PIK3C2G: variants seen among roughly 807,000 people sequenced by gnomAD.
PIK3C2G encodes the protein phosphatidylinositol 3-kinase C2 domain-containing subunit gamma.
A neutral mutation model predicts 181.1 loss-of-function variants in PIK3C2G; 168 were observed. The ratio of observed to expected loss-of-function variants is 0.93; its 90% CI spans 0.82 to 1.05. The LOEUF (loss-of-function observed/expected upper bound fraction) is 1.05, where lower values mean the gene tolerates loss of function less well. Among genes scored for constraint, PIK3C2G ranks in the 50% least tolerant of loss-of-function variants. The pLI is 0.00. For synonymous variants in PIK3C2G, 573 were observed against 592.2 expected (o/e 0.97, Z 0.47); for missense variants, 1,869 against 1,732.8 (o/e 1.08, Z -1.40).
chr12:18,364,328 TA>T (rs1941484639), intron 12 of PIK3C2G, among the ~76,000 whole-genome samples: 2 of 152,156 alleles, frequency 1.3e-5, no homozygotes, highest in Admixed American at 6.5e-5. Context: ...AACACATAAT[TA>T]TCTTTCACGA....
chr12:18,631,293 T>C (rs182905406), intron 31 of PIK3C2G, among the ~76,000 whole-genome samples: 40 of 152,322 alleles, frequency 2.6e-4, no homozygotes, highest in Admixed American at 1.8e-3. Context: ...AAACTAAGCC[T>C]GCTGCTTACA....
chr12:18,324,518 T>G lies in PIK3C2G; in HGVS notation c.1209-517T>G, dbSNP rs963361224. On this transcript the variant is annotated intron_variant, in intron 7 of 32. Transcript: ENST00000538779. Reference sequence around the variant, plus strand: ...TTTGAACAGCGAAGCTCAGAAGAATTTCTGCTCAAATTGCATGTCTTCTCC... The same window carrying G: ...TTTGAACAGCGAAGCTCAGAAGAATGTCTGCTCAAATTGCATGTCTTCTCC... Among the ~76,000 whole-genome samples, 20 of 152,314 alleles carry G rather than the reference T, an allele frequency of 1.3e-4. 1 individual carries two copies. The highest frequency in any genetic ancestry group is 4.6e-4 in the African/African-American group (19 of 41,562).
chr12:18,359,258 T>G (rs1468500116), intron 11 of PIK3C2G, among the ~76,000 whole-genome samples: 1 of 152,254 alleles, frequency 6.6e-6, no homozygotes, highest in African/African-American at 2.4e-5. Flanking sequence ...TTCTTTCTGC[T>G]ATTGACTTTG....
chr12:18,383,257 ACT>A lies in PIK3C2G; in HGVS notation c.1995+1380_1995+1381del, dbSNP rs962852286. On this transcript the variant is annotated intron_variant, in intron 14 of 32. Transcript: ENST00000538779. Reference sequence around the variant, plus strand: ...CTATGCTCCAAACATTATGGTAAACACTCTTACAAAAATGAGCGAATATGTAA... The same window carrying A: ...CTATGCTCCAAACATTATGGTAAACACTTACAAAAATGAGCGAATATGTAA... Among the ~76,000 whole-genome samples the A allele has an allele frequency of 2.3e-4, 35 of 152,322 alleles. 1 individual carries two copies. The highest frequency in any genetic ancestry group is 8.2e-4 in the African/African-American group (34 of 41,578).
chr12:18,558,690 C>CT (rs1439340255), intron 26 of PIK3C2G, among the ~76,000 whole-genome samples: 2 of 152,184 alleles, frequency 1.3e-5, no homozygotes, highest in Non-Finnish European at 2.9e-5. Context: ...CCATGGCCTA[C>CT]TTTCATGGCA....
At chr12:18,611,332 TG>T (rs1948322961) in intron 31 of PIK3C2G, among the ~76,000 whole-genome samples, 1 of 152,102 alleles carries the variant, frequency 6.6e-6, no homozygotes, top group Non-Finnish European at 1.5e-5. Context: ...TTACTAATGA[TG>T]TAGTAATACT....
chr12:18,693,407 T>C, the PIK3C2G span: 7 of 1,604,568 alleles, frequency 4.4e-6, no homozygotes, highest in South Asian at 7.7e-5. Flanking sequence ...ATCCTGAATA[T>C]TATGAAGAGA....
intron 1 of PIK3C2G, among the ~76,000 whole-genome samples, chr12:18,270,991 C>T (rs1374731465): frequency 2.0e-5 from 3 of 151,896 alleles, no homozygotes; most frequent in Admixed American, 1.3e-4. Context: ...TTTTTTTAGG[C>T]TTCCTTTACC....
Position 18,648,295 on chromosome 12 carries a change from T to G in PIK3C2G, c.*267T>G. The G allele has an allele frequency of 4.1e-6, 1 of 241,838 alleles. No homozygotes were observed. The highest frequency in any genetic ancestry group is 6.0e-5 in the East Asian group (1 of 16,684). 15.0% of individuals were successfully genotyped at this position (241,838 alleles called of 1,614,324 possible). Reference sequence around the variant, plus strand: ...ATAAAAGACCTTTATTAAATCATTTTAATATATTTTAAATTAAACATAGGT... The same window carrying G: ...ATAAAAGACCTTTATTAAATCATTTGAATATATTTTAAATTAAACATAGGT... On this transcript the variant is annotated 3_prime_UTR_variant, in exon 33 of 33. Coordinates refer to ENST00000538779, the MANE Select transcript of PIK3C2G (RefSeq NM_001288772.2).
chr12:18,673,160 T>C, the PIK3C2G span, among the ~76,000 whole-genome samples: 1 of 152,214 alleles, frequency 6.6e-6, no homozygotes. Flanking sequence ...AATTTATTCA[T>C]GTTTTTAATG....
At chr12:18,461,810 A>C (rs1277783837) in intron 18 of PIK3C2G, among the ~76,000 whole-genome samples, 1 of 152,198 alleles carries the variant, frequency 6.6e-6, no homozygotes, top group Non-Finnish European at 1.5e-5. Flanking sequence ...CAGAACTGTG[A>C]AAAACAAATT....
chr12:18,658,804 T>C, the PIK3C2G span, among the ~76,000 whole-genome samples: 1 of 152,278 alleles, frequency 6.6e-6, no homozygotes, highest in East Asian at 1.9e-4. Flanking sequence ...GCTTAGGTAT[T>C]TACTACAATA....
intron 22 of PIK3C2G, among the ~76,000 whole-genome samples, chr12:18,498,688 T>C (rs996609299): frequency 1.3e-5 from 2 of 152,136 alleles, no homozygotes; most frequent in Non-Finnish European, 2.9e-5. Flanking sequence ...CAGTCAACAG[T>C]TGAGATTTTA....
chr12:18,560,780 A>G (rs755919202), intron 26 of PIK3C2G, among the ~76,000 whole-genome samples: 1 of 152,174 alleles, frequency 6.6e-6, no homozygotes, highest in Non-Finnish European at 1.5e-5. Context: ...TTGAAATTAC[A>G]TATTGAAAGG....
chr12:18,339,714 T>C (rs948327059), intron 9 of PIK3C2G, among the ~76,000 whole-genome samples: 1 of 152,154 alleles, frequency 6.6e-6, no homozygotes, highest in East Asian at 1.9e-4. Flanking sequence ...AGTTTCTTAA[T>C]GTTGGGCTTT....
chr12:18,603,207 T>A (rs12829855), intron 30 of PIK3C2G, among the ~76,000 whole-genome samples: 1 of 152,022 alleles, frequency 6.6e-6, no homozygotes, highest in Admixed American at 6.6e-5. Flanking sequence ...TTCAGACACA[T>A]TTTTAGAAAT....
intron 32 of PIK3C2G, among the ~76,000 whole-genome samples, chr12:18,647,140 A>C (rs2136856588): frequency 6.6e-6 from 1 of 152,280 alleles, no homozygotes; most frequent in East Asian, 1.9e-4. Context: ...ATTAAAAATT[A>C]GTAATTTTGA....
intron 18 of PIK3C2G, among the ~76,000 whole-genome samples, chr12:18,470,872 G>A (rs375515523): frequency 2.3e-4 from 35 of 151,772 alleles, no homozygotes; most frequent in African/African-American, 8.2e-4. Flanking sequence ...ATATTATAAC[G>A]TTTTATTATA....
chr12:18,352,630 T>C (rs765629852), intron 11 of PIK3C2G, among the ~76,000 whole-genome samples: 1 of 152,234 alleles, frequency 6.6e-6, no homozygotes, highest in Non-Finnish European at 1.5e-5. Flanking sequence ...CGAGCTGTTG[T>C]TCGGCATCCA....
Sources: gnomAD v4.1 joint callset for allele counts (sites outside exome capture counted in the v4.1 genomes callset) on GRCh38, gnomAD v4.1.1 for gene constraint, MANE v1.5 for transcripts, NCBI Gene and HGNC (gene_info 2026-07-23, HGNC 2026-07-21) for gene names.